Variants in UNC13B observed in about 807,000 individuals in gnomAD.
UNC13B encodes protein unc-13 homolog B.
In UNC13B, 144 loss-of-function variants were observed where a neutral mutation model predicts 211.0. The observed-to-expected ratio is 0.68, with a 90% CI of 0.60 to 0.78. The LOEUF (loss-of-function observed/expected upper bound fraction) is 0.78. Ranked by LOEUF, UNC13B falls within the 30% of genes least tolerant of loss-of-function variation. The pLI is 0.00. For synonymous variants in UNC13B, 709 were observed against 725.8 expected, an observed-to-expected ratio of 0.98 and a Z score of 0.37; for missense variants, 1,777 against 2,002.0, an observed-to-expected ratio of 0.89 and a Z score of 2.14.
Position 35,231,141 on chromosome 9 carries a change from C to T in UNC13B, c.74C>T (p.Thr25Ile), listed in dbSNP as rs1199217477. ...AAAGATAAATTTAACACATATGTGA[C>T]CCTGAAAGTACAGAATGTGAAGAGC... ...GSPDKFNTYV[T>I]LKVQNVKSTT... The change falls in exon 3 of 40, where the codon ACC becomes ATC. Residue 25 changes from threonine to isoleucine, a missense_variant. By Grantham distance (89) the Thr-to-Ile change is moderately conservative. Coordinates refer to ENST00000635942, the MANE Select transcript of UNC13B (RefSeq NM_001371189.2). The T allele has an allele frequency of 1.9e-6, 3 of 1,612,016 alleles. No individual in the cohort carries two copies. Among genetic ancestry groups the T allele is most frequent in the South Asian group, 1.1e-5 (1 of 90,924 alleles).
chr9:35,226,012 A>G (rs1004429594), intron 1 of UNC13B, among the ~76,000 whole-genome samples: 3 of 152,116 alleles, frequency 2.0e-5, no homozygotes, highest in Non-Finnish European at 4.4e-5. Context: ...GGAGGCATGC[A>G]GTGATGGGTG....
Position 35,162,298 on chromosome 9 carries a change from C to A in UNC13B, c.15C>A (p.Cys5Ter). The A allele has an allele frequency of 3.2e-6, 5 of 1,542,852 alleles. No homozygotes were observed. The highest frequency in any genetic ancestry group is 3.5e-6 in the Non-Finnish European group (4 of 1,149,124). The change falls in exon 1 of 40, where the codon TGC becomes TGA. Residue 5 changes from cysteine (C) to a stop codon, truncating the protein, a stop_gained. Transcript: ENST00000635942. LOFTEE classifies it high-confidence loss of function. MSLL[C>*]VRVKRAKFQG... The stretch of plus-strand genomic sequence containing the variant: ...GATCCTCGGCCATGTCACTGCTCTG[C>A]GTGCGCGGTGAGTGCGCGGACTGAG...
chr9:35,354,101 G>C (rs1485974206), intron 11 of UNC13B, among the ~76,000 whole-genome samples: 1 of 152,226 alleles, frequency 6.6e-6, no homozygotes, highest in Non-Finnish European at 1.5e-5. Context: ...CTGTTCAAAA[G>C]AGGGAGGAGC....
intron 7 of UNC13B, among the ~76,000 whole-genome samples, chr9:35,281,046 G>A (rs1427547510): frequency 9.9e-5 from 15 of 151,996 alleles, no homozygotes; most frequent in Admixed American, 9.8e-4. Flanking sequence ...TCAGGAGATC[G>A]AGACCATCCT....
intron 3 of UNC13B, among the ~76,000 whole-genome samples, chr9:35,234,219 G>A (rs1275275280): frequency 6.6e-6 from 1 of 152,092 alleles, no homozygotes; most frequent in Non-Finnish European, 1.5e-5. Flanking sequence ...GGGCTCAAAT[G>A]ATTTTCCTGC....
In UNC13B at chr9:35,306,536, C is replaced by T. The variant is rs1829931344; in HGVS notation, c.7132C>T (p.His2378Tyr). The T allele has an allele frequency of 5.0e-6, 2 of 398,898 alleles. No homozygotes were observed. The highest frequency in any genetic ancestry group is 2.5e-4 in the South Asian group (2 of 7,856). 24.7% of individuals were successfully genotyped at this position (398,898 alleles called of 1,614,324 possible). A position where few individuals can be genotyped will look rare whatever the true frequency, so the allele number is the denominator to read the frequency against. The change falls in exon 9 of 40, where the codon CAT (histidine) becomes TAT (tyrosine). Residue 2378 changes from histidine to tyrosine, a missense_variant. Coordinates refer to ENST00000635942, the MANE Select transcript of UNC13B (RefSeq NM_001371189.2). ...PSDSLSNSFS[H>Y]AKQLIEKFND... ...TGACTCACTGTCCAACTCTTTTTCA[C>T]ATGCTAAACAGTTAATTGAAAAATT...
intron 22 of UNC13B, chr9:35,385,482 G>A (rs1453728292): frequency 1.0e-6 from 1 of 985,320 alleles, no homozygotes; most frequent in African/African-American, 1.7e-5. Context: ...TGGGAAGTAG[G>A]GCTGGAGGAG....
intron 15 of UNC13B, 51 bp from the exon 16 acceptor site, chr9:35,377,417 G>T: frequency 6.3e-7 from 1 of 1,590,648 alleles, no homozygotes. Context: ...CCATTCCTCA[G>T]CTCAACCCTT....
intron 1 of UNC13B, among the ~76,000 whole-genome samples, chr9:35,200,647 G>C (rs543169321): frequency 3.0e-4 from 45 of 152,192 alleles, no homozygotes; most frequent in African/African-American, 1.0e-3. Flanking sequence ...GTCTGTTATT[G>C]GTGTATAGGA....
At chr9:35,200,982 T>C (rs531149866) in intron 1 of UNC13B, among the ~76,000 whole-genome samples, 16 of 152,336 alleles carry the variant, frequency 1.1e-4, no homozygotes, top group African/African-American at 3.8e-4. Context: ...TTGTCATAGA[T>C]AGCTCTTATT....
intron 11 of UNC13B, among the ~76,000 whole-genome samples, chr9:35,358,901 T>C (rs1479668243): frequency 6.6e-6 from 1 of 152,024 alleles, no homozygotes; most frequent in Non-Finnish European, 1.5e-5. Context: ...GGTTTCACCA[T>C]GTTGGCCAGG....
intron 1 of UNC13B, among the ~76,000 whole-genome samples, chr9:35,200,748 G>C (rs1823235505): frequency 6.6e-6 from 1 of 152,192 alleles, no homozygotes; most frequent in South Asian, 2.1e-4. Flanking sequence ...GAGATGATGG[G>C]GTTTTCTAGA....
At chr9:35,198,212 A>G (rs73497383) in intron 1 of UNC13B, among the ~76,000 whole-genome samples, 3,968 of 152,300 alleles carry the variant, frequency 0.026, 176 homozygotes, top group African/African-American at 0.088. Context: ...GTGATGGATC[A>G]TGGGAGCGGA....
intron 1 of UNC13B, among the ~76,000 whole-genome samples, chr9:35,181,701 G>A (rs1821948855): frequency 6.6e-6 from 1 of 152,120 alleles, no homozygotes; most frequent in South Asian, 2.1e-4. Context: ...GCCTGGCATG[G>A]TGGTGCGGGC....
At chr9:35,196,287 C>G (rs1217496842) in intron 1 of UNC13B, among the ~76,000 whole-genome samples, 1 of 152,174 alleles carries the variant, frequency 6.6e-6, no homozygotes, top group Non-Finnish European at 1.5e-5. Context: ...AACAAGGGAA[C>G]TAGTGCCACA....
At chr9:35,171,251 G>T (rs1208291836) in intron 1 of UNC13B, among the ~76,000 whole-genome samples, 2 of 151,956 alleles carry the variant, frequency 1.3e-5, no homozygotes, top group Non-Finnish European at 2.9e-5. Context: ...ACAGGTGCCC[G>T]CCACCACGCC....
intron 2 of UNC13B, among the ~76,000 whole-genome samples, chr9:35,230,144 T>C (rs1262637150): frequency 6.6e-6 from 1 of 152,140 alleles, no homozygotes. Flanking sequence ...AACTCTCAGG[T>C]TAGAGAATTT....
chr9:35,206,215 A>G (rs1823633236), intron 1 of UNC13B, among the ~76,000 whole-genome samples: 1 of 152,188 alleles, frequency 6.6e-6, no homozygotes, highest in South Asian at 2.1e-4. Context: ...ATTAAAAAAA[A>G]TTAAAAATTG....
chr9:35,248,663 G>T (rs2131580944), intron 6 of UNC13B, among the ~76,000 whole-genome samples: 1 of 152,294 alleles, frequency 6.6e-6, no homozygotes, highest in South Asian at 2.1e-4. Flanking sequence ...TAGTTGAGCG[G>T]TTTTGAATGA....
Sources: allele counts gnomAD v4.1 joint callset (sites outside exome capture counted in the v4.1 genomes callset), GRCh38; gene constraint gnomAD v4.1.1; transcripts MANE v1.5; gene names NCBI Gene and HGNC (gene_info 2026-07-23, HGNC 2026-07-21).